The following ZCWPW2 variants were observed in gnomAD, a reference collection of about 807,000 sequenced individuals.
The protein encoded by ZCWPW2 is zinc finger CW-type PWWP domain protein 2.
A neutral mutation model predicts 46.6 loss-of-function variants in ZCWPW2; 45 were observed. The observed-to-expected ratio is 0.96, with a 90% confidence interval of 0.76 to 1.24. The LOEUF (loss-of-function observed/expected upper bound fraction) is 1.24, where lower values mean the gene tolerates loss of function less well. Ranked by LOEUF, ZCWPW2 falls within the 50% of genes most tolerant of loss-of-function variation. ZCWPW2 has a pLI of 0.00. For missense variants in ZCWPW2, 429 were observed against 403.9 expected (o/e 1.06, Z -0.53); for synonymous variants, 152 against 137.1 (o/e 1.11, Z -0.76).
In ZCWPW2 at chr3:28,419,806, C is replaced by T. The variant is rs1696687443; in HGVS notation, c.332+6406C>T. On this transcript the variant is annotated intron_variant, in intron 3 of 9. Coordinates refer to ENST00000383768, the MANE Select transcript of ZCWPW2 (RefSeq NM_001040432.4). ...GGATGAAGCTGGAAACCATCATTCT[C>T]AGCAAACTTTCGCAAGGACAAAAAA... Among the ~76,000 whole-genome samples, 3 of 70,644 alleles carry T rather than the reference C, an allele frequency of 4.2e-5. 1 individual carries two copies. The highest frequency in any genetic ancestry group is 1.7e-4 in the African/African-American group (3 of 17,370). The allele number at this position is 70,644 out of a possible 152,430, so 46.3% of individuals were successfully genotyped here. A position where few individuals can be genotyped will look rare whatever the true frequency, so the allele number is the denominator to read the frequency against.
At chr3:28,378,174 A>G (rs1447180804) in intron 1 of ZCWPW2, among the ~76,000 whole-genome samples, 2 of 152,042 alleles carry the variant, frequency 1.3e-5, no homozygotes, top group Admixed American at 6.6e-5. Context: ...ATCATTAAGT[A>G]TAGGGTTGAC....
At chr3:28,357,017 A>T (rs143872264) in intron 1 of ZCWPW2, among the ~76,000 whole-genome samples, 3,350 of 152,310 alleles carry the variant, frequency 0.022, 68 homozygotes, top group Non-Finnish European at 0.03. Flanking sequence ...AAAAAAAGAA[A>T]AAAATAAATT....
chr3:28,519,200 G>C (rs930703860), intron 8 of ZCWPW2, among the ~76,000 whole-genome samples: 7 of 152,176 alleles, frequency 4.6e-5, no homozygotes, highest in Admixed American at 6.5e-5. Context: ...CATTTTATAA[G>C]ATGTGGAGTT....
chr3:28,402,045 G>A (rs1008976745), intron 2 of ZCWPW2, among the ~76,000 whole-genome samples: 4 of 151,050 alleles, frequency 2.6e-5, no homozygotes, highest in Admixed American at 6.6e-5. Context: ...CCCAAACCAA[G>A]CAGAAGAAAG....
At position 28,435,273 on chromosome 3, in the gene ZCWPW2, G is replaced by A. The variant is rs781205226; in HGVS notation, c.492+4G>A. 1.3e-6 allele frequency: 2 copies of A among 1,588,410 alleles called. No individual in the cohort carries two copies. The highest frequency in any genetic ancestry group is 2.3e-5 in the South Asian group (2 of 85,530). ...ACATTATAGTATCACATTAAAGGTA[G>A]GTATCATAACATCAAAACTTTATTC... is the stretch of plus-strand genomic sequence containing the variant. On this transcript the variant is annotated splice_donor_region_variant and intron_variant, in intron 4 of 9. Transcript: ENST00000383768.
intron 1 of ZCWPW2, 69 bp from the exon 2 acceptor site, chr3:28,390,429 C>G (rs949799455): frequency 1.3e-5 from 12 of 954,038 alleles, no homozygotes; most frequent in Non-Finnish European, 1.4e-5. Flanking sequence ...TCAAATAATT[C>G]TTTATTATTT....
At chr3:28,463,330 C>T (rs1698710914) in intron 4 of ZCWPW2, among the ~76,000 whole-genome samples, 1 of 152,042 alleles carries the variant, frequency 6.6e-6, no homozygotes, top group African/African-American at 2.4e-5. Context: ...TCATGATACC[C>T]ACTCCTTCCT....
intron 6 of ZCWPW2, among the ~76,000 whole-genome samples, chr3:28,502,162 A>G (rs1700159659): frequency 6.6e-6 from 1 of 152,002 alleles, no homozygotes; most frequent in South Asian, 2.1e-4. Flanking sequence ...TTCATAACTA[A>G]CCCTGCTTGA....
At chr3:28,507,114 C>G (rs985467548) in intron 6 of ZCWPW2, among the ~76,000 whole-genome samples, 4 of 152,172 alleles carry the variant, frequency 2.6e-5, no homozygotes, top group Admixed American at 1.3e-4. Flanking sequence ...ACTCTAGATC[C>G]TGTTATACCA....
chr3:28,424,301 C>G (rs1270023758), intron 3 of ZCWPW2, among the ~76,000 whole-genome samples: 2 of 151,264 alleles, frequency 1.3e-5, no homozygotes, highest in African/African-American at 4.9e-5. Flanking sequence ...GATGTATGTT[C>G]TTGCTCTATC....
chr3:28,481,011 A>G (rs981710845), intron 5 of ZCWPW2, among the ~76,000 whole-genome samples: 3 of 151,736 alleles, frequency 2.0e-5, no homozygotes, highest in Non-Finnish European at 4.4e-5. Context: ...GATTACAGGC[A>G]CATGCCACCA....
At chr3:28,382,371 C>A (rs1032575663) in intron 1 of ZCWPW2, among the ~76,000 whole-genome samples, 3 of 151,940 alleles carry the variant, frequency 2.0e-5, no homozygotes, top group Non-Finnish European at 4.4e-5. Context: ...GTGTCTGTGT[C>A]CAAATTTCCT....
chr3:28,412,723 A>G (rs1045865243), intron 2 of ZCWPW2, among the ~76,000 whole-genome samples: 1 of 152,068 alleles, frequency 6.6e-6, no homozygotes, highest in African/African-American at 2.4e-5. Context: ...CTTAGCTGTT[A>G]TCATGGGAAA....
intron 8 of ZCWPW2, among the ~76,000 whole-genome samples, chr3:28,516,866 A>G (rs1489042728): frequency 2.0e-5 from 3 of 150,008 alleles, no homozygotes; most frequent in Non-Finnish European, 4.4e-5. Flanking sequence ...AAAAAAAATA[A>G]CTGGGCATGG....
chr3:28,387,997 G>T (rs2125715444), intron 1 of ZCWPW2, among the ~76,000 whole-genome samples: 1 of 152,294 alleles, frequency 6.6e-6, no homozygotes, highest in Admixed American at 6.5e-5. Context: ...TCATGTGATT[G>T]TAGAGGCTTG....
chr3:28,360,287 C>T (rs749304772), intron 1 of ZCWPW2, among the ~76,000 whole-genome samples: 35 of 143,652 alleles, frequency 2.4e-4, no homozygotes, highest in Non-Finnish European at 3.0e-5. Flanking sequence ...AGGTGGATCA[C>T]GAGATCAGAA....
chr3:28,511,609 C>T (rs1489211524), intron 6 of ZCWPW2, among the ~76,000 whole-genome samples: 2 of 152,046 alleles, frequency 1.3e-5, no homozygotes, highest in Admixed American at 1.3e-4. Flanking sequence ...CAATGTAAAC[C>T]TAATCACCAT....
chr3:28,380,273 C>T (rs1213531549), intron 1 of ZCWPW2, among the ~76,000 whole-genome samples: 1 of 152,142 alleles, frequency 6.6e-6, no homozygotes, highest in Non-Finnish European at 1.5e-5. Flanking sequence ...CATGAGCCAC[C>T]ACGCCCGGCC....
chr3:28,519,140 A>G (rs55650840), intron 8 of ZCWPW2, among the ~76,000 whole-genome samples: 4,224 of 152,290 alleles, frequency 0.028, 185 homozygotes, highest in African/African-American at 0.094. Context: ...GGATGCAACT[A>G]ACATGTTAAT....
Sources: allele counts gnomAD v4.1 joint callset (sites outside exome capture counted in the v4.1 genomes callset), GRCh38; gene constraint gnomAD v4.1.1; transcripts MANE v1.5; gene names NCBI Gene and HGNC (gene_info 2026-07-23, HGNC 2026-07-21).